The following TMEM127 variants were observed in gnomAD, a reference collection of about 807,000 sequenced individuals.
TMEM127 encodes transmembrane protein 127.
Under a neutral mutation model 20.1 loss-of-function variants are expected in TMEM127, and 21 were observed. The ratio of observed to expected loss-of-function variants is 1.04; its 90% confidence interval spans 0.74 to 1.50. The LOEUF (loss-of-function observed/expected upper bound fraction) is 1.50. Ranked by LOEUF, TMEM127 falls within the 40% of genes most tolerant of loss-of-function variation. The pLI is 0.00. For missense variants in TMEM127, 303 were observed against 317.4 expected (o/e 0.95, Z 0.34); for synonymous variants, 150 against 144.7 (o/e 1.04, Z -0.26).
In TMEM127 at chr2:96,254,912, A is replaced by G. The variant is rs1157106593; in HGVS notation, c.330T>C (p.Ala110=). Residue 110 remains alanine (A), a synonymous_variant, in exon 3 of 4, where the codon GCT becomes GCC. Transcript: ENST00000258439. ...TCGGCCCAAAGACATCCAGAAGGAA[A>G]GCGGAGAGACTACACAGGATGCCCA... ...CFLGILCSLS[A]FLLDVFGPKH... 5 of 1,614,024 alleles carry G rather than the reference A, an allele frequency of 3.1e-6. No homozygotes were observed. The highest frequency in any genetic ancestry group is 4.2e-6 in the Non-Finnish European group (5 of 1,180,008).
chr2:96,264,631 C>T (rs1315178694), intron 2 of TMEM127, among the ~76,000 whole-genome samples: 1 of 152,222 alleles, frequency 6.6e-6, no homozygotes, highest in African/African-American at 2.4e-5. Flanking sequence ...AGCCACATTC[C>T]GACTGTTGTA....
rs1461511429 is a variant in TMEM127 at position 96,250,897 on chromosome 2, G to A, written c.*2911C>T. 1.7e-5 allele frequency: 4 copies of A among 229,906 alleles called. No homozygotes were observed. Among genetic ancestry groups the A allele is most frequent in the Non-Finnish European group, 2.6e-5 (3 of 116,108 alleles). 14.2% of individuals were successfully genotyped at this position (229,906 alleles called of 1,614,324 possible). A position where few individuals can be genotyped will look rare whatever the true frequency, so the allele number is the denominator to read the frequency against. ...ACGTGAAATACAGAAAATAAAGACA[G>A]AAAAACACACAAATTATTAAATAAA... On this transcript the variant is annotated 3_prime_UTR_variant, in exon 4 of 4. Transcript: ENST00000258439.
At chr2:96,261,642 AGGCAGCTTTGATGGGAAATAAACTC>A (rs1684313542) in intron 2 of TMEM127, among the ~76,000 whole-genome samples, 1 of 152,238 alleles carries the variant, frequency 6.6e-6, no homozygotes, top group South Asian at 2.1e-4. Context: ...GATAAGCCTC[AGGCAGCTTTGATGGGAAATAAACTC>A]GGAGCTCACT....
In TMEM127 at chr2:96,265,145, C is replaced by T. The variant is rs768121960; in HGVS notation, c.237G>A (p.Leu79=). Residue 79 remains leucine, a synonymous_variant, in exon 2 of 4, where the codon CTG becomes CTA. Coordinates refer to ENST00000258439, the MANE Select transcript of TMEM127 (RefSeq NM_017849.4). ...SDVLGYVHPD[L]LKDFCMNPQT... ...AGCGCGCAGCACCCTCACCTTTCAG[C>T]AGGTCCGGGTGCACATAGCCCAACA... is the stretch of plus-strand genomic sequence containing the variant. 6.2e-7 allele frequency: 1 copy of T among 1,611,964 alleles called. No homozygotes were observed. The highest frequency in any genetic ancestry group is 1.1e-5 in the South Asian group (1 of 90,798).
rs1385687180 is a variant in TMEM127 at position 96,248,563 on chromosome 2, A to G, written c.*5245T>C. The G allele has an allele frequency of 4.7e-6, 1 of 212,638 alleles. No homozygotes were observed. Among genetic ancestry groups the G allele is most frequent in the East Asian group, 7.0e-5 (1 of 14,304 alleles). 13.2% of individuals were successfully genotyped at this position (212,638 alleles called of 1,614,324 possible). A position where few individuals can be genotyped will look rare whatever the true frequency, so the allele number is the denominator to read the frequency against. On this transcript the variant is annotated 3_prime_UTR_variant, in exon 4 of 4. Coordinates refer to ENST00000258439, the MANE Select transcript of TMEM127 (RefSeq NM_017849.4). ...AAAATAAAACCCATCCACCACCCCAAGGTTATTCCAGAAGGAAACTCTCCA... is the reference window on the plus strand; with the variant it reads ...AAAATAAAACCCATCCACCACCCCAGGGTTATTCCAGAAGGAAACTCTCCA...
chr2:96,248,795 C>G lies in TMEM127; in HGVS notation c.*5013G>C, dbSNP rs1684026347. 4.3e-6 allele frequency: 1 copy of G among 231,890 alleles called. No homozygotes were observed. Among genetic ancestry groups the G allele is most frequent in the African/African-American group, 2.2e-5 (1 of 45,250 alleles). The allele number at this position is 231,890 out of a possible 1,614,324, so 14.4% of individuals were successfully genotyped here. A position where few individuals can be genotyped will look rare whatever the true frequency, so the allele number is the denominator to read the frequency against. On this transcript the variant is annotated 3_prime_UTR_variant, in exon 4 of 4. Transcript: ENST00000258439. ...CACCTTCAGGCCCCATTCTCAGACA[C>G]CTGTACAACCCCTTAAGCCAGACGG... is the stretch of plus-strand genomic sequence containing the variant.
Position 96,248,763 on chromosome 2 carries a change from G to A in TMEM127, c.*5045C>T, listed in dbSNP as rs919999812. On this transcript the variant is annotated 3_prime_UTR_variant, in exon 4 of 4. Coordinates refer to ENST00000258439, the MANE Select transcript of TMEM127 (RefSeq NM_017849.4). ...AACCTTCCAAACAGGGCAGCCTGCA[G>A]GCCCTGCACCTTCAGGCCCCATTCT... 3.9e-5 allele frequency: 9 copies of A among 231,382 alleles called. No individual in the cohort carries two copies. Among genetic ancestry groups the A allele is most frequent in the African/African-American group, 2.0e-4 (9 of 45,236 alleles). 14.3% of individuals were successfully genotyped at this position (231,382 alleles called of 1,614,324 possible). A position where few individuals can be genotyped will look rare whatever the true frequency, so the allele number is the denominator to read the frequency against.
In TMEM127 at chr2:96,251,799, G is replaced by A. The variant is rs777156909; in HGVS notation, c.*2009C>T. ...AGAAGAGGAAGGCCAAAGACATGGG[G>A]AGTGAATAAAAAGTGGGTTCCGGAT... On this transcript the variant is annotated 3_prime_UTR_variant, in exon 4 of 4. Coordinates refer to ENST00000258439, the MANE Select transcript of TMEM127 (RefSeq NM_017849.4). 3 of 233,188 alleles carry A rather than the reference G, an allele frequency of 1.3e-5. No homozygotes were observed. Among genetic ancestry groups the A allele is most frequent in the African/African-American group, 2.2e-5 (1 of 45,308 alleles). The allele number at this position is 233,188 out of a possible 1,614,324, so 14.4% of individuals were successfully genotyped here.
At chr2:96,265,561 G>A (rs1684404680) in intron 1 of TMEM127, 49 bp from the exon 2 acceptor site, 1 of 726,026 alleles carries the variant, frequency 1.4e-6, no homozygotes, top group Non-Finnish European at 1.9e-6. Flanking sequence ...CGGGGCTGAC[G>A]GAGACGGGGA....
At chr2:96,264,693 CCTT>C (rs1684378104) in intron 2 of TMEM127, among the ~76,000 whole-genome samples, 1 of 152,222 alleles carries the variant, frequency 6.6e-6, no homozygotes, top group African/African-American at 2.4e-5. Flanking sequence ...CCACAGATTC[CCTT>C]CTTCTCTAAT....
At position 96,252,902 on chromosome 2, in the gene TMEM127, G is replaced by A. The variant is rs1053413845; in HGVS notation, c.*906C>T. On this transcript the variant is annotated 3_prime_UTR_variant, in exon 4 of 4. Coordinates refer to ENST00000258439, the MANE Select transcript of TMEM127 (RefSeq NM_017849.4). The surrounding 1 kb of genome is among the most constrained non-coding windows in gnomAD (Gnocchi z 4.2). ...AGGGAGGCTGCATTCTACTGGGAGA[G>A]ACTCGGGGAGGGACTACCATGGGCT... is the stretch of plus-strand genomic sequence containing the variant. 1.3e-5 allele frequency: 3 copies of A among 233,438 alleles called. No individual in the cohort carries two copies. The highest frequency in any genetic ancestry group is 4.4e-5 in the African/African-American group (2 of 45,350). 14.5% of individuals were successfully genotyped at this position (233,438 alleles called of 1,614,324 possible).
intron 2 of TMEM127, among the ~76,000 whole-genome samples, chr2:96,262,277 A>AC (rs1298283419): frequency 2.0e-5 from 3 of 151,732 alleles, no homozygotes; most frequent in South Asian, 2.1e-4. Context: ...AAAAAAAAAA[A>AC]AAAACTCTAT....
intron 1 of TMEM127, 29 bp from the exon 2 acceptor site, chr2:96,265,541 G>A (rs1684403899): frequency 4.0e-6 from 4 of 988,494 alleles, no homozygotes; most frequent in Non-Finnish European, 5.2e-6. Context: ...GAGGATAGGG[G>A]GGTGGGACCC....
At position 96,253,616 on chromosome 2, in the gene TMEM127, C is replaced by G. The variant is rs913259644; in HGVS notation, c.*192G>C. ...GAGGGAAAGAGTACATTATAGAAAACCAGTGGACCTCCGGTTCTGAGAGCA... is the reference window on the plus strand; with the variant it reads ...GAGGGAAAGAGTACATTATAGAAAAGCAGTGGACCTCCGGTTCTGAGAGCA... On this transcript the variant is annotated 3_prime_UTR_variant, in exon 4 of 4. Transcript: ENST00000258439. The surrounding 1 kb of genome is among the most constrained non-coding windows in gnomAD (Gnocchi z 4.3). The G allele has an allele frequency of 8.0e-6, 5 of 624,478 alleles. No individual in the cohort carries two copies. Among genetic ancestry groups the G allele is most frequent in the Admixed American group, 3.0e-5 (1 of 33,700 alleles). 38.7% of individuals were successfully genotyped at this position (624,478 alleles called of 1,614,324 possible).
rs747804736 is a variant in TMEM127, at chr2:96,265,161, T to C, written c.221A>G (p.Tyr74Cys). 7.4e-6 allele frequency: 12 copies of C among 1,611,570 alleles called. No individual in the cohort carries two copies. Among genetic ancestry groups the C allele is most frequent in the Non-Finnish European group, 8.5e-6 (10 of 1,179,638 alleles). Residue 74 changes from tyrosine to cysteine, a missense_variant, in exon 2 of 4, where the codon TAT (tyrosine) becomes TGT (cysteine). Tyr to Cys is a radical substitution (Grantham distance 194). Coordinates refer to ENST00000258439, the MANE Select transcript of TMEM127 (RefSeq NM_017849.4). ...QELGVSDVLGYVHPDLLKDFC... is the reference protein window; with the variant it reads ...QELGVSDVLGCVHPDLLKDFC... Reference sequence around the variant, plus strand: ...ACCTTTCAGCAGGTCCGGGTGCACATAGCCCAACACGTCGGAGACCCCCAG... The same window carrying C: ...ACCTTTCAGCAGGTCCGGGTGCACACAGCCCAACACGTCGGAGACCCCCAG...
At chr2:96,263,227 G>A (rs1684346643) in intron 2 of TMEM127, among the ~76,000 whole-genome samples, 1 of 151,408 alleles carries the variant, frequency 6.6e-6, no homozygotes, top group South Asian at 2.1e-4. Flanking sequence ...GCTAATTTTT[G>A]TATTTTTAGT....
chr2:96,259,483 C>G (rs1467555030), intron 2 of TMEM127, among the ~76,000 whole-genome samples: 2 of 152,344 alleles, frequency 1.3e-5, no homozygotes, highest in Middle Eastern at 3.4e-3. Context: ...TCCTCAGAGC[C>G]AGCTGCTAAG....
chr2:96,256,557 G>A (rs1684212209), intron 2 of TMEM127, among the ~76,000 whole-genome samples: 2 of 134,944 alleles, frequency 1.5e-5, no homozygotes, highest in Admixed American at 7.9e-5. Flanking sequence ...GGCAACAAGA[G>A]AGAAACTCTG....
rs1436653152 is a variant in TMEM127, at chr2:96,253,602, T to G, written c.*206A>C. On this transcript the variant is annotated 3_prime_UTR_variant, in exon 4 of 4. Coordinates refer to ENST00000258439, the MANE Select transcript of TMEM127 (RefSeq NM_017849.4). This position sits in a 1 kb window ranked among gnomAD's most constrained non-coding sequence, Gnocchi z 4.3. ...GCAGGATGTGGCAGGAGGGAAAGAG[T>G]ACATTATAGAAAACCAGTGGACCTC... 1.7e-6 allele frequency: 1 copy of G among 593,784 alleles called. No homozygotes were observed. The highest frequency in any genetic ancestry group is 2.8e-5 in the East Asian group (1 of 35,516). 36.8% of individuals were successfully genotyped at this position (593,784 alleles called of 1,614,324 possible).
Sources: allele counts gnomAD v4.1 joint callset (sites outside exome capture counted in the v4.1 genomes callset), GRCh38; gene constraint gnomAD v4.1.1; non-coding constraint Gnocchi (gnomAD v3.1); transcripts MANE v1.5; gene names NCBI Gene and HGNC (gene_info 2026-07-23, HGNC 2026-07-21).